KYNU: variants seen among roughly 807,000 people sequenced by gnomAD.
KYNU encodes kynureninase, also known as L-kynurenine hydrolase.
A neutral mutation model predicts 59.2 loss-of-function variants in KYNU; 54 were observed. The observed-to-expected ratio is 0.91, with a 90% CI of 0.73 to 1.14. The LOEUF (loss-of-function observed/expected upper bound fraction) is 1.14. KYNU is among the 50% of genes most tolerant of loss of function. The pLI is 0.00. For missense variants in KYNU, 567 were observed against 554.4 expected (o/e 1.02, Z -0.23); for synonymous variants, 177 against 192.0 (o/e 0.92, Z 0.65).
intron 2 of KYNU, among the ~76,000 whole-genome samples, chr2:142,893,557 C>T (rs1681777257): frequency 6.6e-6 from 1 of 151,928 alleles, no homozygotes; most frequent in Non-Finnish European, 1.5e-5. Context: ...TTCCAAGAAA[C>T]CTTGCTGTAA....
chr2:142,967,660 A>G (rs545540082), intron 8 of KYNU, among the ~76,000 whole-genome samples: 17 of 152,150 alleles, frequency 1.1e-4, no homozygotes, highest in East Asian at 7.7e-4. Context: ...TGAACCTTCT[A>G]TTTATCTTCA....
chr2:142,944,613 A>C (rs1198439235), intron 4 of KYNU, among the ~76,000 whole-genome samples: 1 of 152,212 alleles, frequency 6.6e-6, no homozygotes, highest in Non-Finnish European at 1.5e-5. Flanking sequence ...TTAATTCAAA[A>C]TAATTAGGAA....
At chr2:142,906,642 T>C (rs758440477) in intron 2 of KYNU, among the ~76,000 whole-genome samples, 3 of 152,120 alleles carry the variant, frequency 2.0e-5, no homozygotes, top group Non-Finnish European at 4.4e-5. Flanking sequence ...GAAGCATTAG[T>C]ATCTAGGAGG....
At chr2:142,885,083 T>C (rs1052960701) in intron 1 of KYNU, among the ~76,000 whole-genome samples, 1 of 126,408 alleles carries the variant, frequency 7.9e-6, no homozygotes, top group Non-Finnish European at 1.7e-5. Context: ...CAGGCTGGTC[T>C]CAAACTCCTG....
At chr2:143,020,556 A>G (rs1686375100) in intron 10 of KYNU, among the ~76,000 whole-genome samples, 1 of 152,178 alleles carries the variant, frequency 6.6e-6, no homozygotes, top group Admixed American at 6.5e-5. Context: ...CATATGGTCT[A>G]TCCTGGCAAA....
intron 13 of KYNU, among the ~76,000 whole-genome samples, chr2:143,041,685 T>C (rs1440066333): frequency 1.3e-5 from 2 of 151,794 alleles, no homozygotes; most frequent in African/African-American, 4.8e-5. Context: ...CAGACCCTAA[T>C]GAGGTTTTCA....
chr2:142,883,477 C>T (rs1315785483), intron 1 of KYNU, among the ~76,000 whole-genome samples: 1 of 151,972 alleles, frequency 6.6e-6, no homozygotes, highest in Non-Finnish European at 1.5e-5. Flanking sequence ...GGATTACAGG[C>T]GTGAGCCACT....
In KYNU at chr2:143,036,182, A is replaced by G. The variant is rs544982875; in HGVS notation, c.1041+2861A>G. On this transcript the variant is annotated intron_variant, in intron 12 of 13. Coordinates refer to ENST00000264170, the MANE Select transcript of KYNU (RefSeq NM_003937.3). ...TGAAATGTTTGTTTTTCAGTGCTAT[A>G]AAGAAATAGCACTTGAACGCAAATT... 7.9e-5 allele frequency among the ~76,000 whole-genome samples: 12 copies of G among 152,108 alleles called. 1 individual carries two copies. Among genetic ancestry groups the G allele is most frequent in the African/African-American group, 2.7e-4 (11 of 41,494 alleles).
intron 4 of KYNU, among the ~76,000 whole-genome samples, chr2:142,932,396 G>A (rs78251240): frequency 0.01 from 1,549 of 152,126 alleles, 22 homozygotes; most frequent in African/African-American, 0.036. Context: ...GGCCTTGCAC[G>A]GATCATAGGG....
chr2:143,038,840 C>G (rs1573922702), intron 12 of KYNU, among the ~76,000 whole-genome samples: 1 of 152,146 alleles, frequency 6.6e-6, no homozygotes, highest in Admixed American at 6.6e-5. Flanking sequence ...TTTTCATAGA[C>G]TTGATAAAGT....
intron 10 of KYNU, among the ~76,000 whole-genome samples, chr2:142,991,275 G>A (rs1443153193): frequency 6.6e-6 from 1 of 151,816 alleles, no homozygotes; most frequent in Non-Finnish European, 1.5e-5. Context: ...TTCTAATGAT[G>A]CCTTCTGAAT....
At chr2:143,030,945 A>T (rs1366703027) in intron 11 of KYNU, among the ~76,000 whole-genome samples, 9 of 152,196 alleles carry the variant, frequency 5.9e-5, no homozygotes, top group Admixed American at 5.9e-4. Flanking sequence ...AGCATTGAAT[A>T]TATTATATGA....
intron 2 of KYNU, among the ~76,000 whole-genome samples, chr2:142,902,343 C>G (rs966044027): frequency 2.0e-5 from 3 of 152,188 alleles, no homozygotes; most frequent in African/African-American, 7.2e-5. Context: ...GTAAGCTTAA[C>G]ACTGAGTCTT....
chr2:142,939,921 G>C (rs543420222), intron 4 of KYNU, among the ~76,000 whole-genome samples: 1 of 152,166 alleles, frequency 6.6e-6, no homozygotes, highest in Admixed American at 6.5e-5. Flanking sequence ...GGATGCTTAG[G>C]TCTGGAACCC....
At chr2:142,926,621 CA>C (rs1184325572) in intron 3 of KYNU, among the ~76,000 whole-genome samples, 2 of 152,172 alleles carry the variant, frequency 1.3e-5, no homozygotes, top group African/African-American at 2.4e-5. Context: ...TGAGTAATCA[CA>C]CCAGTGCGTA....
At chr2:142,928,525 C>A (rs931688157) in intron 4 of KYNU, among the ~76,000 whole-genome samples, 1 of 152,074 alleles carries the variant, frequency 6.6e-6, no homozygotes, top group Non-Finnish European at 1.5e-5. Flanking sequence ...CCATTTGAAT[C>A]TTGACCAGTA....
chr2:142,978,039 G>T (rs962887497), intron 8 of KYNU, among the ~76,000 whole-genome samples: 1 of 152,078 alleles, frequency 6.6e-6, no homozygotes, highest in African/African-American at 2.4e-5. Context: ...AATGCTCCAA[G>T]ACTGTGGCAA....
rs539366274 is a variant in KYNU at position 142,981,247 on chromosome 2, A to G, written c.730-3837A>G. Among the ~76,000 whole-genome samples, 5 of 152,254 alleles carry G rather than the reference A, an allele frequency of 3.3e-5. No individual in the cohort carries two copies. The East Asian group carries it at 9.7e-4, about 29-fold the overall frequency. ...GTGTGCCATTCTTTATAAGTAATTG[A>G]TAATGAAAGTGCTGCTTTTTCTATT... is the stretch of plus-strand genomic sequence containing the variant. On this transcript the variant is annotated intron_variant, in intron 8 of 13. Transcript: ENST00000264170.
intron 2 of KYNU, among the ~76,000 whole-genome samples, chr2:142,906,322 G>A (rs1309779984): frequency 6.6e-6 from 1 of 152,226 alleles, no homozygotes; most frequent in Admixed American, 6.5e-5. Context: ...AAGGCTTGAA[G>A]ATTGTATTGA....
Sources: gnomAD v4.1 joint callset for allele counts (sites outside exome capture counted in the v4.1 genomes callset) on GRCh38, gnomAD v4.1.1 for gene constraint, MANE v1.5 for transcripts, NCBI Gene and HGNC (gene_info 2026-07-23, HGNC 2026-07-21) for gene names.